Variants in EVC observed in about 807,000 individuals in gnomAD.
EVC encodes EvC ciliary complex subunit 1.
Under a neutral mutation model 118.9 loss-of-function variants are expected in EVC, and 116 were observed. The observed-to-expected ratio is 0.98, with a 90% confidence interval of 0.84 to 1.14. The LOEUF is 1.14. Ranked by LOEUF, EVC falls within the 50% of genes most tolerant of loss-of-function variation. The pLI is 0.00. For synonymous variants in EVC, 619 were observed against 534.7 expected (o/e 1.16, Z -2.18); for missense variants, 1,401 against 1,246.4 (o/e 1.12, Z -1.87).
At chr4:5,791,972 T>C (rs997167118) in intron 12 of EVC, among the ~76,000 whole-genome samples, 1 of 152,158 alleles carries the variant, frequency 6.6e-6, no homozygotes, top group Non-Finnish European at 1.5e-5. Flanking sequence ...TGTTCAGCCT[T>C]AGGGGAGCTC....
rs577176226 is a variant in EVC, at chr4:5,769,192, TGAG to T, written c.1563+12834_1563+12836del. On this transcript the variant is annotated intron_variant, in intron 11 of 20. Coordinates refer to ENST00000264956, the MANE Select transcript of EVC (RefSeq NM_153717.3). ...CCTCACAGTTATGGCGGAAGGCAAA[TGAG>T]GAGCAAAGTCACATCTTAAATGGCA... 5.3e-5 allele frequency among the ~76,000 whole-genome samples: 8 copies of T among 152,122 alleles called. No homozygotes were observed. The South Asian group carries it at 1.7e-3, about 32-fold the overall frequency.
At chr4:5,722,010 G>A (rs1465136835) in intron 2 of EVC, among the ~76,000 whole-genome samples, 1 of 152,104 alleles carries the variant, frequency 6.6e-6, no homozygotes, top group African/African-American at 2.4e-5. Context: ...TCACACATAG[G>A]GTACCCTTGA....
rs1726723106 is a variant in EVC, at chr4:5,731,011, A to G, written c.385-414A>G. The stretch of plus-strand genomic sequence containing the variant: ...GGGTGACTCCTGCTCTGTGCAGGCG[A>G]AGGACAGGTGGTTGGCAGGATTCGT... On this transcript the variant is annotated intron_variant, in intron 3 of 20. Transcript: ENST00000264956. The surrounding 1 kb of genome is among the most constrained non-coding windows in gnomAD (Gnocchi z 5.6). Among the ~76,000 whole-genome samples the G allele has an allele frequency of 6.6e-6, 1 of 151,708 alleles. No homozygotes were observed. The highest frequency in any genetic ancestry group is 1.9e-4 in the East Asian group (1 of 5,134).
In EVC at chr4:5,793,653, C is replaced by T. The variant is rs1259279600; in HGVS notation, c.1822C>T (p.Leu608=). 5 of 1,552,980 alleles carry T rather than the reference C, an allele frequency of 3.2e-6. No individual in the cohort carries two copies. In the South Asian group the frequency reaches 4.8e-5, roughly 15 times the overall value. Residue 608 remains leucine (L), a synonymous_variant, in exon 13 of 21, where the codon CTG becomes TTG. Coordinates refer to ENST00000264956, the MANE Select transcript of EVC (RefSeq NM_153717.3). ...CALSSVLQTH[L]REDHEGTIRG... ...GCTGTCCAGCGTGCTGCAGACACAC[C>T]TGCGGGAGGACCACGAGGGCACCAT...
chr4:5,725,742 G>C (rs185332419), intron 2 of EVC, among the ~76,000 whole-genome samples: 1 of 152,104 alleles, frequency 6.6e-6, no homozygotes. Flanking sequence ...GTCAGTTTTT[G>C]CTTTTGTTGC....
intron 11 of EVC, among the ~76,000 whole-genome samples, chr4:5,769,997 C>T (rs1016912006): frequency 6.6e-6 from 1 of 152,094 alleles, no homozygotes; most frequent in Non-Finnish European, 1.5e-5. Flanking sequence ...CTGCTGTGCT[C>T]AGGGCCAGGC....
chr4:5,809,040 A>G (rs1285765446), intron 18 of EVC, among the ~76,000 whole-genome samples: 2 of 152,204 alleles, frequency 1.3e-5, no homozygotes, highest in African/African-American at 2.4e-5. Context: ...ACTTTCCAAC[A>G]AAAGAGGTTA....
In EVC at chr4:5,745,341, T is replaced by A. The variant is rs764394644; in HGVS notation, c.939T>A (p.Asn313Lys). 4 of 1,613,334 alleles carry A rather than the reference T, an allele frequency of 2.5e-6. No individual in the cohort carries two copies. Among genetic ancestry groups the A allele is most frequent in the Admixed American group, 1.7e-5 (1 of 59,974 alleles). Residue 313 changes from asparagine to lysine, a missense_variant and splice_region_variant, in exon 7 of 21, where the codon AAT becomes AAA. Transcript: ENST00000264956. ...AATACTCTGAACAGCTAATCGATAA[T>A]GTGCGTGCCAGACTTTCTTTCCTGT... is the stretch of plus-strand genomic sequence containing the variant. ...EREYSEQLIDNMEAFWKQMAN... is the reference protein window; with the variant it reads ...EREYSEQLIDKMEAFWKQMAN...
chr4:5,794,724 T>G (rs1488679681), intron 13 of EVC, among the ~76,000 whole-genome samples: 1 of 152,166 alleles, frequency 6.6e-6, no homozygotes, highest in Non-Finnish European at 1.5e-5. Context: ...AAAAAAATTT[T>G]TGATATAGCT....
chr4:5,819,359 ACT>A, the EVC span, among the ~76,000 whole-genome samples: 2 of 151,754 alleles, frequency 1.3e-5, no homozygotes, highest in African/African-American at 4.8e-5. Context: ...TTTCTGAGAA[ACT>A]CTCTCTCCCT....
chr4:5,804,162 T>C (rs1715476373), intron 16 of EVC, among the ~76,000 whole-genome samples: 1 of 152,150 alleles, frequency 6.6e-6, no homozygotes, highest in Non-Finnish European at 1.5e-5. Context: ...GGTCTCGAAC[T>C]CCTGACTTCA....
At position 5,733,553 on chromosome 4, in the gene EVC, C is replaced by T. The variant is rs183027162; in HGVS notation, c.702+118C>T. 2.7e-5 allele frequency: 25 copies of T among 918,554 alleles called. No homozygotes were observed. The East Asian group carries it at 3.0e-4, about 11-fold the overall frequency. The allele number at this position is 918,554 out of a possible 1,614,324, so 56.9% of individuals were successfully genotyped here. ...AGGCAGACATCAGTGGAAACAGAGCCGCTGTGAGGTGGGGGAAAGCGGCGC... is the reference window on the plus strand; with the variant it reads ...AGGCAGACATCAGTGGAAACAGAGCTGCTGTGAGGTGGGGGAAAGCGGCGC... On this transcript the variant is annotated intron_variant, in intron 5 of 20. Transcript: ENST00000264956.
intron 13 of EVC, among the ~76,000 whole-genome samples, chr4:5,795,232 T>A (rs1713723243): frequency 6.6e-6 from 1 of 152,222 alleles, no homozygotes; most frequent in South Asian, 2.1e-4. Flanking sequence ...TATTTTCAAT[T>A]TATTTTCTTT....
At chr4:5,740,711 A>G (rs1229255328) in intron 5 of EVC, among the ~76,000 whole-genome samples, 1 of 152,230 alleles carries the variant, frequency 6.6e-6, no homozygotes, top group Admixed American at 6.5e-5. Flanking sequence ...ACTAGTACCT[A>G]GACCAGATAA....
intron 15 of EVC, among the ~76,000 whole-genome samples, chr4:5,800,491 AACTG>A (rs2152352857): frequency 6.6e-6 from 1 of 152,256 alleles, no homozygotes; most frequent in South Asian, 2.1e-4. Context: ...GCCAGAAAAA[AACTG>A]AGGAGGAGGA....
At chr4:5,726,287 C>T (rs1181639558) in intron 2 of EVC, among the ~76,000 whole-genome samples, 7 of 152,344 alleles carry the variant, frequency 4.6e-5, no homozygotes, top group Admixed American at 1.3e-4. Flanking sequence ...TTCTCATGGT[C>T]TGCAGCGCCA....
chr4:5,793,987 T>C (rs1713285326), intron 13 of EVC, among the ~76,000 whole-genome samples: 1 of 151,962 alleles, frequency 6.6e-6, no homozygotes, highest in Non-Finnish European at 1.5e-5. Flanking sequence ...AATTCAGTGA[T>C]TGTTAGTAAA....
chr4:5,719,336 G>C lies in EVC; in HGVS notation c.263G>C (p.Arg88Thr), dbSNP rs1026879773. The C allele has an allele frequency of 1.2e-6, 2 of 1,614,116 alleles. No homozygotes were observed. Among genetic ancestry groups the C allele is most frequent in the African/African-American group, 2.7e-5 (2 of 74,940 alleles). The change falls in exon 2 of 21, where the codon AGA (arginine) becomes ACA (threonine). Residue 88 changes from arginine (R) to threonine (T), a missense_variant. Physicochemically the swap from Arg to Thr is moderately conservative, Grantham distance 71. Coordinates refer to ENST00000264956, the MANE Select transcript of EVC (RefSeq NM_153717.3). The surrounding 1 kb of genome is among the most constrained non-coding windows in gnomAD (Gnocchi z 4.7). The stretch of plus-strand genomic sequence containing the variant: ...GGCTCCCCATCAAGGAGGAGGAAGA[G>C]AGAAGTGCAGATGTCGAAGGACAAG... ...ETGSPSRRRK[R>T]EVQMSKDKEA...
the EVC span, chr4:5,820,914 G>C: frequency 6.6e-6 from 1 of 152,196 alleles, no homozygotes; most frequent in African/African-American, 2.4e-5. Context: ...TTAAAAATCT[G>C]ACTGCCCCGT....
Sources: allele counts gnomAD v4.1 joint callset (sites outside exome capture counted in the v4.1 genomes callset), GRCh38; gene constraint gnomAD v4.1.1; non-coding constraint Gnocchi (gnomAD v3.1); transcripts MANE v1.5; gene names NCBI Gene and HGNC (gene_info 2026-07-23, HGNC 2026-07-21).